Variants in KIAA1217 observed in about 807,000 individuals in gnomAD.
KIAA1217 encodes the protein KIAA1217, also known as sickle tail protein homolog.
KIAA1217 carries 88 observed loss-of-function variants against 163.9 expected under a neutral mutation model. That is an observed-to-expected ratio of 0.54 (90% CI 0.45 to 0.64). The LOEUF (loss-of-function observed/expected upper bound fraction) is 0.64, where lower values mean the gene tolerates loss of function less well. KIAA1217 is among the 30% of genes least tolerant of loss of function. The pLI is 0.00. For missense variants in KIAA1217, 2,372 were observed against 2,475.0 expected, an observed-to-expected ratio of 0.96 and a Z score of 0.88; for synonymous variants, 903 against 923.1, an observed-to-expected ratio of 0.98 and a Z score of 0.39.
chr10:24,317,281 T>TTTTA (rs1011877881), intron 2 of KIAA1217, among the ~76,000 whole-genome samples: 2 of 152,122 alleles, frequency 1.3e-5, no homozygotes, highest in African/African-American at 2.4e-5. Context: ...TTTTGTTACT[T>TTTTA]TTTATTTATT....
chr10:24,278,762 A>G (rs1234011487), intron 2 of KIAA1217, among the ~76,000 whole-genome samples: 1 of 151,964 alleles, frequency 6.6e-6, no homozygotes, highest in Non-Finnish European at 1.5e-5. Flanking sequence ...TCCTTTGGCC[A>G]CTCACTTCCT....
intron 1 of KIAA1217, among the ~76,000 whole-genome samples, chr10:23,860,035 G>A (rs1289245785): frequency 6.6e-6 from 1 of 152,072 alleles, no homozygotes; most frequent in African/African-American, 2.4e-5. Flanking sequence ...TCTATGTATA[G>A]GAGGGCTGAG....
intron 2 of KIAA1217, among the ~76,000 whole-genome samples, chr10:24,186,417 G>T (rs1407406656): frequency 6.6e-6 from 1 of 152,106 alleles, no homozygotes; most frequent in Non-Finnish European, 1.5e-5. Context: ...CTTACTATTT[G>T]ATCTGTACTC....
intron 1 of KIAA1217, among the ~76,000 whole-genome samples, chr10:23,857,153 G>A (rs1233454254): frequency 2.0e-5 from 3 of 152,192 alleles, no homozygotes; most frequent in Non-Finnish European, 4.4e-5. Flanking sequence ...GGCCATCTTG[G>A]CGCTCTCTCA....
chr10:23,998,747 A>G (rs1222824798), intron 1 of KIAA1217, among the ~76,000 whole-genome samples: 1 of 152,208 alleles, frequency 6.6e-6, no homozygotes, highest in Admixed American at 6.5e-5. Context: ...CTCAACAGAG[A>G]ATTCTCATAA....
chr10:24,381,795 G>T (rs2053340936), intron 3 of KIAA1217, among the ~76,000 whole-genome samples: 1 of 152,192 alleles, frequency 6.6e-6, no homozygotes, highest in Non-Finnish European at 1.5e-5. Flanking sequence ...GTACCCAGTG[G>T]TGTGGGTTTC....
intron 2 of KIAA1217, among the ~76,000 whole-genome samples, chr10:24,070,870 G>C (rs2131627935): frequency 6.6e-6 from 1 of 152,182 alleles, no homozygotes; most frequent in African/African-American, 2.4e-5. Context: ...TTTATATTCA[G>C]AACATGTATA....
At chr10:24,053,524 A>C (rs1849670591) in intron 2 of KIAA1217, among the ~76,000 whole-genome samples, 1 of 152,166 alleles carries the variant, frequency 6.6e-6, no homozygotes, top group Non-Finnish European at 1.5e-5. Context: ...TAGGATATAC[A>C]TTAGTTAGAC....
intron 1 of KIAA1217, among the ~76,000 whole-genome samples, chr10:23,959,160 C>A (rs1844706863): frequency 6.6e-6 from 1 of 151,986 alleles, no homozygotes; most frequent in African/African-American, 2.4e-5. Context: ...TATTTGGGGG[C>A]TGTAGGTCAA....
At chr10:24,197,396 T>A (rs2067039934) in intron 2 of KIAA1217, among the ~76,000 whole-genome samples, 1 of 152,224 alleles carries the variant, frequency 6.6e-6, no homozygotes, top group Admixed American at 6.5e-5. Context: ...TTCTAGAACG[T>A]GCAATGCTGA....
At chr10:23,958,917 G>C (rs982152102) in intron 1 of KIAA1217, among the ~76,000 whole-genome samples, 1 of 149,764 alleles carries the variant, frequency 6.7e-6, no homozygotes, top group Non-Finnish European at 1.5e-5. Context: ...CTTCTTTTAG[G>C]TGCTAGTAGA....
intron 1 of KIAA1217, among the ~76,000 whole-genome samples, chr10:23,914,180 A>G (rs1842549937): frequency 6.6e-6 from 1 of 152,162 alleles, no homozygotes; most frequent in South Asian, 2.1e-4. Flanking sequence ...CAGGCAGAGG[A>G]AGACTCTTCC....
intron 2 of KIAA1217, among the ~76,000 whole-genome samples, chr10:24,041,426 C>T (rs1411475181): frequency 6.6e-6 from 1 of 152,132 alleles, no homozygotes; most frequent in Non-Finnish European, 1.5e-5. Context: ...TTGTAAAGCA[C>T]GCTAAGTACA....
intron 1 of KIAA1217, among the ~76,000 whole-genome samples, chr10:23,888,152 G>T (rs922553103): frequency 6.6e-6 from 1 of 151,816 alleles, no homozygotes; most frequent in Non-Finnish European, 1.5e-5. Flanking sequence ...AACATAGGAC[G>T]TCCAGGCCAT....
At chr10:23,704,682 C>A (rs891906887) in intron 1 of KIAA1217, among the ~76,000 whole-genome samples, 19 of 152,140 alleles carry the variant, frequency 1.2e-4, no homozygotes, top group Non-Finnish European at 1.0e-4. Context: ...TATGGATATA[C>A]CACATTTTAT....
At chr10:24,291,634 G>A (rs2079099157) in intron 2 of KIAA1217, among the ~76,000 whole-genome samples, 1 of 152,102 alleles carries the variant, frequency 6.6e-6, no homozygotes. Context: ...TAACTTATAG[G>A]TTGTGTCCTG....
intron 2 of KIAA1217, among the ~76,000 whole-genome samples, chr10:24,195,884 T>G (rs1465440795): frequency 6.6e-6 from 1 of 152,188 alleles, no homozygotes; most frequent in African/African-American, 2.4e-5. Context: ...ATCCCAGCAC[T>G]GTGGGAGGCT....
chr10:24,341,798 C>G (rs1398920565), intron 2 of KIAA1217, among the ~76,000 whole-genome samples: 1 of 151,824 alleles, frequency 6.6e-6, no homozygotes, highest in South Asian at 2.1e-4. Context: ...TAGTTCCAAT[C>G]TCTTAAATGT....
At chr10:23,725,266 A>G (rs4748909) in intron 1 of KIAA1217, among the ~76,000 whole-genome samples, 12,901 of 152,284 alleles carry the variant, frequency 0.085, 959 homozygotes, top group African/African-American at 0.2. Flanking sequence ...TGACTGATTC[A>G]GAGTCTTAAT....
Sources: gnomAD v4.1 joint callset for allele counts (sites outside exome capture counted in the v4.1 genomes callset) on GRCh38, gnomAD v4.1.1 for gene constraint, MANE v1.5 for transcripts, NCBI Gene and HGNC (gene_info 2026-07-23, HGNC 2026-07-21) for gene names.